KCNH5: variants seen among roughly 807,000 people sequenced by gnomAD.
The protein encoded by KCNH5 is voltage-gated delayed rectifier potassium channel KCNH5.
In KCNH5, 46 loss-of-function variants were observed where a neutral mutation model predicts 96.1. That is an observed-to-expected ratio of 0.48 (90% CI 0.38 to 0.61). KCNH5 has a LOEUF of 0.61. Among genes scored for constraint, KCNH5 ranks in the 20% least tolerant of loss-of-function variants. KCNH5 has a pLI of 0.00. For synonymous variants in KCNH5, 439 were observed against 449.8 expected, an observed-to-expected ratio of 0.98 and a Z score of 0.30; for missense variants, 907 against 1,225.8, an observed-to-expected ratio of 0.74 and a Z score of 3.88.
At chr14:62,746,429 C>G (rs78669816) in intron 10 of KCNH5, among the ~76,000 whole-genome samples, 5,876 of 152,224 alleles carry the variant, frequency 0.039, 157 homozygotes, top group South Asian at 0.062. Context: ...TATAATAAAA[C>G]ATTTAATTAA....
rs187370616 is a variant in KCNH5, at chr14:62,741,685, A to C, written c.2020-33230T>G. ...GTGAGGAAGAAATTTTGGCTAGTAA[A>C]AGTTGATATTATTTTCTATAAATTT... On this transcript the variant is annotated intron_variant, in intron 10 of 10. Coordinates refer to ENST00000322893, the MANE Select transcript of KCNH5 (RefSeq NM_139318.5). Among the ~76,000 whole-genome samples, 262 of 152,126 alleles carry C rather than the reference A, an allele frequency of 1.7e-3. 2 individuals are homozygous for C. The highest frequency in any genetic ancestry group is 6.2e-3 in the African/African-American group (257 of 41,534).
intron 7 of KCNH5, among the ~76,000 whole-genome samples, chr14:62,881,509 G>C (rs1888491253): frequency 1.3e-5 from 2 of 152,150 alleles, no homozygotes; most frequent in South Asian, 4.1e-4. Flanking sequence ...AGAGGATCAG[G>C]AGAAATAACC....
chr14:62,740,345 C>A (rs543973305), intron 10 of KCNH5, among the ~76,000 whole-genome samples: 1 of 152,150 alleles, frequency 6.6e-6, no homozygotes, highest in African/African-American at 2.4e-5. Flanking sequence ...TGTCTAATCT[C>A]AGGAGCTAAA....
At chr14:62,965,756 C>T (rs1317085652) in intron 6 of KCNH5, among the ~76,000 whole-genome samples, 1 of 152,058 alleles carries the variant, frequency 6.6e-6, no homozygotes, top group East Asian at 1.9e-4. Flanking sequence ...GATATGTTTA[C>T]CATATGTACT....
chr14:62,989,210 C>G (rs1890765603), intron 4 of KCNH5, among the ~76,000 whole-genome samples: 1 of 151,946 alleles, frequency 6.6e-6, no homozygotes, highest in Non-Finnish European at 1.5e-5. Context: ...AAAACACATG[C>G]CTTTTACCCT....
chr14:62,802,183 T>C, intron 9 of KCNH5, 146 bp downstream of exon 9: 3 of 730,474 alleles, frequency 4.1e-6, no homozygotes, highest in South Asian at 1.9e-5. Context: ...AATAGCATTA[T>C]TAGTTTTCAT....
intron 7 of KCNH5, among the ~76,000 whole-genome samples, chr14:62,884,542 C>T (rs1042892459): frequency 5.9e-5 from 9 of 152,224 alleles, no homozygotes; most frequent in Admixed American, 2.6e-4. Context: ...AGGAGAATTG[C>T]TTGAACCCGG....
At chr14:62,903,305 T>C (rs906089666) in intron 7 of KCNH5, among the ~76,000 whole-genome samples, 3 of 152,278 alleles carry the variant, frequency 2.0e-5, no homozygotes, top group South Asian at 2.1e-4. Flanking sequence ...AGTTCATTCC[T>C]CATCTGTATT....
At chr14:62,917,184 A>G (rs1004263730) in intron 7 of KCNH5, among the ~76,000 whole-genome samples, 2 of 152,178 alleles carry the variant, frequency 1.3e-5, no homozygotes, top group African/African-American at 4.8e-5. Context: ...TACCTAATAC[A>G]TAGCTTTACA....
At chr14:62,775,319 T>C (rs1185566620) in intron 10 of KCNH5, among the ~76,000 whole-genome samples, 2 of 152,236 alleles carry the variant, frequency 1.3e-5, no homozygotes, top group South Asian at 2.1e-4. Flanking sequence ...ACTGATTCCA[T>C]TTAGATCATG....
intron 8 of KCNH5, among the ~76,000 whole-genome samples, chr14:62,803,545 A>G (rs1566665630): frequency 6.6e-6 from 1 of 152,180 alleles, no homozygotes; most frequent in Non-Finnish European, 1.5e-5. Context: ...GTCCTTGTTC[A>G]TTCTGGTCTC....
At chr14:62,860,011 T>C (rs1382053209) in intron 7 of KCNH5, among the ~76,000 whole-genome samples, 1 of 152,190 alleles carries the variant, frequency 6.6e-6, no homozygotes, top group Non-Finnish European at 1.5e-5. Flanking sequence ...GGATCACATA[T>C]ATATCACTTC....
At chr14:62,938,332 A>C (rs1045324522) in intron 7 of KCNH5, among the ~76,000 whole-genome samples, 1 of 152,196 alleles carries the variant, frequency 6.6e-6, no homozygotes, top group Non-Finnish European at 1.5e-5. Context: ...GCCTAAAGCT[A>C]CCACCATGTG....
chr14:62,872,535 CA>C (rs1204386204), intron 7 of KCNH5, among the ~76,000 whole-genome samples: 1 of 151,032 alleles, frequency 6.6e-6, no homozygotes, highest in Non-Finnish European at 1.5e-5. Context: ...CTAAAAAGAC[CA>C]AAAAAAATTA....
intron 9 of KCNH5, among the ~76,000 whole-genome samples, chr14:62,801,896 T>C (rs903623707): frequency 4.6e-5 from 7 of 152,134 alleles, no homozygotes; most frequent in African/African-American, 1.4e-4. Flanking sequence ...CATTTACTAA[T>C]TGGGAAAGTC....
chr14:62,708,585 G>A, intron 10 of KCNH5, 130 bp from the exon 11 acceptor site: 3 of 560,750 alleles, frequency 5.3e-6, no homozygotes, highest in Non-Finnish European at 8.7e-6. Flanking sequence ...TATTTCTCAA[G>A]AAAAAAAAAT....
intron 9 of KCNH5, among the ~76,000 whole-genome samples, chr14:62,783,067 G>T (rs1288454271): frequency 3.3e-5 from 5 of 152,026 alleles, no homozygotes; most frequent in Admixed American, 1.3e-4. Context: ...ATATTATGCA[G>T]CCACAAGGTA....
At chr14:62,765,315 G>A (rs1194539824) in intron 10 of KCNH5, among the ~76,000 whole-genome samples, 1 of 152,182 alleles carries the variant, frequency 6.6e-6, no homozygotes, top group Non-Finnish European at 1.5e-5. Context: ...TAACTCGCTA[G>A]CCATATGCAG....
At position 62,706,847 on chromosome 14, in the gene KCNH5, ACTAT is replaced by A. The variant is rs1466593455; in HGVS notation, c.*657_*660del. ...TTTCCTTACATAAGAGCTAATGATT[ACTAT>A]CTAAGTATAATGTTAAAAAACGAGA... is the stretch of plus-strand genomic sequence containing the variant. On this transcript the variant is annotated 3_prime_UTR_variant, in exon 11 of 11. Transcript: ENST00000322893. The A allele has an allele frequency of 1.3e-5, 2 of 152,188 alleles. No homozygotes were observed. Among genetic ancestry groups the A allele is most frequent in the African/African-American group, 4.8e-5 (2 of 41,458 alleles). 9.4% of individuals were successfully genotyped at this position (152,188 alleles called of 1,614,324 possible).
Sources: allele counts gnomAD v4.1 joint callset (sites outside exome capture counted in the v4.1 genomes callset), GRCh38; gene constraint gnomAD v4.1.1; transcripts MANE v1.5; gene names NCBI Gene and HGNC (gene_info 2026-07-23, HGNC 2026-07-21).